BCL11B: variants seen among roughly 807,000 people sequenced by gnomAD.
BCL11B encodes B-cell lymphoma/leukemia 11B.
Under a neutral mutation model 49.9 loss-of-function variants are expected in BCL11B, and 8 were observed. The observed-to-expected ratio is 0.16, with a 90% confidence interval of 0.09 to 0.29. BCL11B has a LOEUF of 0.29. Among genes scored for constraint, BCL11B ranks in the 10% least tolerant of loss-of-function variants. BCL11B has a pLI of 1.00. For missense variants in BCL11B, 1,006 were observed against 1,351.0 expected, an observed-to-expected ratio of 0.74 and a Z score of 4.00; for synonymous variants, 739 against 637.4, an observed-to-expected ratio of 1.16 and a Z score of -2.40.
chr14:99,229,208 C>T (rs984891449), intron 3 of BCL11B, among the ~76,000 whole-genome samples: 1 of 152,184 alleles, frequency 6.6e-6, no homozygotes, highest in African/African-American at 2.4e-5. Flanking sequence ...ACATCATTTT[C>T]TCATCTGCAA....
intron 3 of BCL11B, among the ~76,000 whole-genome samples, chr14:99,199,684 GCGCGCGCGCGCGCACGTGCA>G (rs1305952757): frequency 4.3e-5 from 2 of 46,716 alleles, no homozygotes; most frequent in African/African-American, 6.5e-5. Context: ...GTGTGTGTGT[GCGCGCGCGCGCGCACGTGCA>G]CGTGTGTGCG....
chr14:99,215,095 C>T (rs904809374), intron 3 of BCL11B, among the ~76,000 whole-genome samples: 1 of 151,724 alleles, frequency 6.6e-6, no homozygotes, highest in African/African-American at 2.4e-5. Context: ...AACCCCATCT[C>T]CCCCAGCCCC....
At position 99,271,616 on chromosome 14, in the gene BCL11B, C is replaced by T. The variant is rs961994597; in HGVS notation, c.-398G>A. ...AAATCTCTTACACTTCTTCAAACTG[C>T]TTGGCCTCTTGCACTTGCAAATGTC... On this transcript the variant is annotated 5_prime_UTR_variant, in exon 1 of 4. Transcript: ENST00000357195. 173 of 198,714 alleles carry T rather than the reference C, an allele frequency of 8.7e-4. 1 individual carries two copies. Among genetic ancestry groups the T allele is most frequent in the Non-Finnish European group, 1.4e-4 (13 of 95,444 alleles). The allele number at this position is 198,714 out of a possible 1,614,324, so 12.3% of individuals were successfully genotyped here.
At chr14:99,227,287 A>T (rs913695745) in intron 3 of BCL11B, among the ~76,000 whole-genome samples, 2 of 152,194 alleles carry the variant, frequency 1.3e-5, no homozygotes. Flanking sequence ...GGGCTCACTC[A>T]GCACATGGTG....
chr14:99,240,639 A>G (rs1416756683), intron 2 of BCL11B, among the ~76,000 whole-genome samples: 2 of 152,156 alleles, frequency 1.3e-5, no homozygotes, highest in African/African-American at 4.8e-5. Flanking sequence ...AAAAATCACA[A>G]ATTTTCTTCT....
In BCL11B at chr14:99,213,431, G is replaced by T. The variant is rs1055004095; in HGVS notation, c.640+17914C>A. ...TGCGACGTTTCCCCTCCAAAAATTC[G>T]AGGAACACCAAAATGACTCTCATCT... On this transcript the variant is annotated intron_variant, in intron 3 of 3. Coordinates refer to ENST00000357195, the MANE Select transcript of BCL11B (RefSeq NM_138576.4). The surrounding 1 kb of genome is among the most constrained non-coding windows in gnomAD (Gnocchi z 5.1). Among the ~76,000 whole-genome samples, 3 of 152,176 alleles carry T rather than the reference G, an allele frequency of 2.0e-5. No individual in the cohort carries two copies. The highest frequency in any genetic ancestry group is 4.4e-5 in the Non-Finnish European group (3 of 68,046).
chr14:99,181,645 A>G (rs1300865767), intron 3 of BCL11B, among the ~76,000 whole-genome samples: 1 of 152,210 alleles, frequency 6.6e-6, no homozygotes, highest in Non-Finnish European at 1.5e-5. Flanking sequence ...GGTCAGGTCC[A>G]CCACAGGCCT....
chr14:99,229,101 T>A (rs1888249997), intron 3 of BCL11B, among the ~76,000 whole-genome samples: 1 of 146,518 alleles, frequency 6.8e-6, no homozygotes, highest in South Asian at 2.2e-4. Context: ...GATGGATGGA[T>A]GGATGGATAC....
Position 99,195,659 on chromosome 14 carries a change from T to G in BCL11B, c.641-19464A>C, listed in dbSNP as rs1887158794. Among the ~76,000 whole-genome samples the G allele has an allele frequency of 6.6e-6, 1 of 152,124 alleles. No homozygotes were observed. Among genetic ancestry groups the G allele is most frequent in the Admixed American group, 6.5e-5 (1 of 15,282 alleles). On this transcript the variant is annotated intron_variant, in intron 3 of 3. Transcript: ENST00000357195. The surrounding 1 kb of genome is among the most constrained non-coding windows in gnomAD (Gnocchi z 4.7). ...CACAGCTTACATCCATCCCAGGGCCTGCAGCATGGGAAGTGCTCAAAATAA... is the reference window on the plus strand; with the variant it reads ...CACAGCTTACATCCATCCCAGGGCCGGCAGCATGGGAAGTGCTCAAAATAA...
chr14:99,252,856 G>A (rs982641049), intron 2 of BCL11B, among the ~76,000 whole-genome samples: 1 of 152,336 alleles, frequency 6.6e-6, no homozygotes, highest in Admixed American at 6.5e-5. Context: ...GTGATCAAGC[G>A]CCTCCCCTTC....
chr14:99,252,057 G>A (rs778965886), intron 2 of BCL11B, among the ~76,000 whole-genome samples: 2 of 152,054 alleles, frequency 1.3e-5, no homozygotes, highest in East Asian at 1.9e-4. Flanking sequence ...ACCAGGTAGC[G>A]CCCCTCTTCC....
chr14:99,263,524 CA>C (rs1214094857), intron 1 of BCL11B, among the ~76,000 whole-genome samples: 1 of 152,236 alleles, frequency 6.6e-6, no homozygotes, highest in Non-Finnish European at 1.5e-5. Context: ...GGAAGAGGCT[CA>C]CTCCCATACC....
intron 3 of BCL11B, among the ~76,000 whole-genome samples, chr14:99,212,166 T>TG (rs894361564): frequency 6.6e-5 from 10 of 152,212 alleles, no homozygotes; most frequent in South Asian, 4.2e-4. Context: ...ACCTGAGCAC[T>TG]GGGGGGGCTA....
Position 99,239,625 on chromosome 14 carries a change from T to A in BCL11B, c.428-8068A>T, listed in dbSNP as rs78818462. Among the ~76,000 whole-genome samples the A allele has an allele frequency of 8.8e-3, 1,339 of 152,216 alleles. 23 individuals are homozygous for A. The highest frequency in any genetic ancestry group is 0.031 in the African/African-American group (1,270 of 41,508). ...TCATCTTCAGATTGGGTGCCTACAG[T>A]GAGTTTTAAACTAAGGACACCTTTT... On this transcript the variant is annotated intron_variant, in intron 2 of 3. Transcript: ENST00000357195.
chr14:99,244,301 T>TCA (rs148185625), intron 2 of BCL11B, among the ~76,000 whole-genome samples: 68 of 145,910 alleles, frequency 4.7e-4, no homozygotes, highest in Non-Finnish European at 1.8e-4. Context: ...TACCCCCCCC[T>TCA]CACACACACA....
intron 3 of BCL11B, among the ~76,000 whole-genome samples, chr14:99,199,680 G>GCGCA (rs1887298528): frequency 8.8e-5 from 5 of 56,720 alleles, no homozygotes; most frequent in African/African-American, 2.5e-4. Flanking sequence ...GTGTGTGTGT[G>GCGCA]TGTGCGCGCG....
At chr14:99,178,742 CAAAT>C (rs942575315) in intron 3 of BCL11B, among the ~76,000 whole-genome samples, 1 of 152,196 alleles carries the variant, frequency 6.6e-6, no homozygotes, top group Non-Finnish European at 1.5e-5. Context: ...GCTAATAACA[CAAAT>C]GAAGTGCCCC....
intron 2 of BCL11B, among the ~76,000 whole-genome samples, chr14:99,239,314 T>C (rs1249345195): frequency 2.6e-5 from 4 of 152,218 alleles, no homozygotes. Context: ...ATACTACATG[T>C]CATCTGCATG....
chr14:99,204,535 T>C (rs1217937405), intron 3 of BCL11B, among the ~76,000 whole-genome samples: 1 of 151,840 alleles, frequency 6.6e-6, no homozygotes, highest in Admixed American at 6.6e-5. Context: ...GGGAGGTGGG[T>C]GGGGGACTCG....
Sources: allele counts gnomAD v4.1 joint callset (sites outside exome capture counted in the v4.1 genomes callset), GRCh38; gene constraint gnomAD v4.1.1; non-coding constraint Gnocchi (gnomAD v3.1); transcripts MANE v1.5; gene names NCBI Gene and HGNC (gene_info 2026-07-23, HGNC 2026-07-21).